XIAP: variants seen among roughly 807,000 people sequenced by gnomAD.
XIAP encodes X-linked inhibitor of apoptosis.
A neutral mutation model predicts 33.1 loss-of-function variants in XIAP; 3 were observed. The ratio of observed to expected loss-of-function variants is 0.09; its 90% CI spans 0.04 to 0.23. The LOEUF (loss-of-function observed/expected upper bound fraction) is 0.23, where lower values mean the gene tolerates loss of function less well. Among genes scored for constraint, XIAP ranks in the 10% least tolerant of loss-of-function variants. XIAP has a pLI of 1.00. For synonymous variants in XIAP, 98 were observed against 121.3 expected (o/e 0.81, Z 1.26); for missense variants, 264 against 363.0 (o/e 0.73, Z 2.22).
chrX:123,912,216 GAAAA>G lies in XIAP; in HGVS notation c.*5044_*5047del. On this transcript the variant is annotated 3_prime_UTR_variant, in exon 7 of 7. Transcript: ENST00000371199. Reference sequence around the variant, plus strand: ...ACCAAGGAGGAATTGAAAACACTGAGAAAAAAAAAAAAGACCACACAATAAAAAA... The same window carrying G: ...ACCAAGGAGGAATTGAAAACACTGAGAAAAAAAAGACCACACAATAAAAAA... The G allele has an allele frequency of 4.8e-6, 1 of 207,689 alleles. No individual in the cohort carries two copies. Among genetic ancestry groups the G allele is most frequent in the Non-Finnish European group, 8.7e-6 (1 of 114,937 alleles). 17.1% of individuals were successfully genotyped at this position (207,689 alleles called of 1,213,427 possible).
At position 123,912,239 on chromosome X, in the gene XIAP, T is replaced by TAAAAAAAAAAA; in HGVS notation, c.*5060_*5070dup. The TAAAAAAAAAAA allele has an allele frequency of 4.9e-6, 1 of 203,702 alleles. No homozygotes were observed. The allele number at this position is 203,702 out of a possible 1,213,427, so 16.8% of individuals were successfully genotyped here. A position where few individuals can be genotyped will look rare whatever the true frequency, so the allele number is the denominator to read the frequency against. On this transcript the variant is annotated 3_prime_UTR_variant, in exon 7 of 7. Coordinates refer to ENST00000371199, the MANE Select transcript of XIAP (RefSeq NM_001167.4). Reference sequence around the variant, plus strand: ...GAGAAAAAAAAAAAAGACCACACAATAAAAAAAAAAAATACAAAATAATAC... The same window carrying TAAAAAAAAAAA: ...GAGAAAAAAAAAAAAGACCACACAATAAAAAAAAAAAAAAAAAAAAAAATACAAAATAATAC...
intron 5 of XIAP, among the ~76,000 whole-genome samples, chrX:123,897,655 C>T (rs184920481): frequency 2.5e-4 from 28 of 111,322 alleles, no homozygotes; most frequent in Admixed American, 2.0e-3. Context: ...CACCGACTCC[C>T]GGGTTCAAGC....
At chrX:123,891,620 C>T (rs755321152) in intron 4 of XIAP, among the ~76,000 whole-genome samples, 1 of 110,205 alleles carries the variant, frequency 9.1e-6, no homozygotes, top group Non-Finnish European at 1.9e-5. Context: ...AGTTTGAGAT[C>T]AGCCTAGGCA....
chrX:123,906,946 AAG>A, intron 6 of XIAP, 40 bp from the exon 7 acceptor site: 2 of 1,188,252 alleles, frequency 1.7e-6, no homozygotes, highest in East Asian at 5.9e-5. Context: ...TTAAACAACT[AAG>A]AGAGTCTAAA....
At chrX:123,879,965 T>A (rs1021987798) in intron 1 of XIAP, among the ~76,000 whole-genome samples, 1 of 107,371 alleles carries the variant, frequency 9.3e-6, no homozygotes, top group Non-Finnish European at 1.9e-5. Flanking sequence ...ATACAAAAAA[T>A]TAGCTGGGTG....
intron 6 of XIAP, among the ~76,000 whole-genome samples, chrX:123,906,623 C>T (rs1237240643): frequency 1.8e-5 from 2 of 111,672 alleles, no homozygotes; most frequent in African/African-American, 6.5e-5. Flanking sequence ...AATGACTGTC[C>T]ATGCTTAAAT....
Position 123,909,669 on chromosome X carries a change from C to T in XIAP, c.*2488C>T, listed in dbSNP as rs1192771463. 4 of 327,765 alleles carry T rather than the reference C, an allele frequency of 1.2e-5. No individual in the cohort carries two copies. Among genetic ancestry groups the T allele is most frequent in the Non-Finnish European group, 2.4e-5 (4 of 169,776 alleles). The allele number at this position is 327,765 out of a possible 1,213,427, so 27.0% of individuals were successfully genotyped here. On this transcript the variant is annotated 3_prime_UTR_variant, in exon 7 of 7. Coordinates refer to ENST00000371199, the MANE Select transcript of XIAP (RefSeq NM_001167.4). Reference sequence around the variant, plus strand: ...CTGGGAGCCGCACTTCATTAAAATTCTTCTAAAACTTGTATGTTTAGAGTT... The same window carrying T: ...CTGGGAGCCGCACTTCATTAAAATTTTTCTAAAACTTGTATGTTTAGAGTT...
intron 6 of XIAP, among the ~76,000 whole-genome samples, chrX:123,905,829 C>T (rs922804829): frequency 8.9e-6 from 1 of 112,385 alleles, no homozygotes; most frequent in African/African-American, 3.2e-5. Context: ...ATAGACTATA[C>T]TGTCCTATAT....
At chrX:123,892,866 G>A in intron 5 of XIAP, 93 bp downstream of exon 5, 2 of 861,351 alleles carry the variant, frequency 2.3e-6, no homozygotes, top group Admixed American at 4.7e-5. Context: ...TGTTGCCCAG[G>A]CTGGAGTGCA....
intron 5 of XIAP, among the ~76,000 whole-genome samples, chrX:123,896,259 G>A (rs993467783): frequency 9.2e-6 from 1 of 108,613 alleles, no homozygotes; most frequent in African/African-American, 3.4e-5. Context: ...TAGAGAGAAG[G>A]TTTCGCCATT....
chrX:123,910,290 G>A lies in XIAP; in HGVS notation c.*3109G>A, dbSNP rs903852273. The stretch of plus-strand genomic sequence containing the variant: ...GTAGGGTAGAGTGGGTGTAGTGAGT[G>A]TATATAATGTGATTTGGCCCTGTGT... On this transcript the variant is annotated 3_prime_UTR_variant, in exon 7 of 7. Transcript: ENST00000371199. 1.2e-5 allele frequency: 4 copies of A among 327,308 alleles called. No homozygotes were observed. Among genetic ancestry groups the A allele is most frequent in the Non-Finnish European group, 2.4e-5 (4 of 169,653 alleles). 27.0% of individuals were successfully genotyped at this position (327,308 alleles called of 1,213,427 possible). A position where few individuals can be genotyped will look rare whatever the true frequency, so the allele number is the denominator to read the frequency against.
At position 123,889,557 on chromosome X, in the gene XIAP, G is replaced by A. The variant is rs374328413; in HGVS notation, c.977+839G>A. ...TTTGAGATAGAGTTTTGCTCTTGTC[G>A]CCCATGCTGGAGTGCAATGGTGCTA... On this transcript the variant is annotated intron_variant, in intron 3 of 6. Transcript: ENST00000371199. 1.3e-4 allele frequency among the ~76,000 whole-genome samples: 13 copies of A among 103,847 alleles called. No homozygotes were observed. In the South Asian group the frequency reaches 4.3e-3, roughly 35 times the overall value. 90.2% of individuals were successfully genotyped at this position (103,847 alleles called of 115,157 possible).
chrX:123,910,433 C>T lies in XIAP; in HGVS notation c.*3252C>T. The T allele has an allele frequency of 3.0e-6, 1 of 329,642 alleles. No homozygotes were observed. The highest frequency in any genetic ancestry group is 5.9e-6 in the Non-Finnish European group (1 of 169,987). The allele number at this position is 329,642 out of a possible 1,213,427, so 27.2% of individuals were successfully genotyped here. A position where few individuals can be genotyped will look rare whatever the true frequency, so the allele number is the denominator to read the frequency against. ...GAACTATGAATGGAGACTACCGCCC[C>T]AGCATTAGTTTCACATGATATACCC... On this transcript the variant is annotated 3_prime_UTR_variant, in exon 7 of 7. Coordinates refer to ENST00000371199, the MANE Select transcript of XIAP (RefSeq NM_001167.4).
chrX:123,873,870 G>A (rs2053217891), intron 1 of XIAP: 1 of 106,781 alleles, frequency 9.4e-6, no homozygotes. Flanking sequence ...GAAGGTGGAG[G>A]TTGCAGTGAG....
At chrX:123,869,143 C>T (rs188052348) in intron 1 of XIAP, among the ~76,000 whole-genome samples, 31 of 109,618 alleles carry the variant, frequency 2.8e-4, no homozygotes, top group South Asian at 1.5e-3. Context: ...ATTGTGCATT[C>T]CCTGGTACTT....
At position 123,885,707 on chromosome X, in the gene XIAP, A is replaced by G. The variant is rs2053344730; in HGVS notation, c.45A>G (p.Ala15=). 8 of 1,211,064 alleles carry G rather than the reference A, an allele frequency of 6.6e-6. No individual in the cohort carries two copies. Among genetic ancestry groups the G allele is most frequent in the Non-Finnish European group, 8.9e-6 (8 of 895,122 alleles). The change falls in exon 2 of 7, where the codon GCA becomes GCG. Residue 15 remains alanine (A), a synonymous_variant. Coordinates refer to ENST00000371199, the MANE Select transcript of XIAP (RefSeq NM_001167.4). ...SFEGSKTCVP[A]DINKEEEFVE... ...AAGGATCTAAAACTTGTGTACCTGC[A>G]GACATCAATAAGGAAGAAGAATTTG...
In XIAP at chrX:123,907,304, T is replaced by C. The variant is rs756001832; in HGVS notation, c.*123T>C. The C allele has an allele frequency of 9.6e-6, 6 of 625,244 alleles. No homozygotes were observed. The highest frequency in any genetic ancestry group is 1.6e-5 in the Non-Finnish European group (6 of 383,620). 51.5% of individuals were successfully genotyped at this position (625,244 alleles called of 1,213,427 possible). On this transcript the variant is annotated 3_prime_UTR_variant, in exon 7 of 7. Transcript: ENST00000371199. ...ATTTGCTACCAAGTAGGAAAAAAAA[T>C]GTACATGGCAGTGTTTTAGTTGGCA...
chrX:123,907,425 A>C lies in XIAP; in HGVS notation c.*244A>C, dbSNP rs772511087. 3 of 458,251 alleles carry C rather than the reference A, an allele frequency of 6.5e-6. No homozygotes were observed. The South Asian group carries it at 8.4e-5, about 13-fold the overall frequency. The allele number at this position is 458,251 out of a possible 1,213,427, so 37.8% of individuals were successfully genotyped here. ...TTGAAACCATAGACTAAGAATAAGA[A>C]GCATCATACTATAACTGAACACAAT... On this transcript the variant is annotated 3_prime_UTR_variant, in exon 7 of 7. Coordinates refer to ENST00000371199, the MANE Select transcript of XIAP (RefSeq NM_001167.4).
Position 123,906,989 on chromosome X carries a change from G to C in XIAP, c.1302G>C (p.Glu434Asp). The C allele has an allele frequency of 8.3e-7, 1 of 1,210,696 alleles. No homozygotes were observed. Among genetic ancestry groups the C allele is most frequent in the Non-Finnish European group, 1.1e-6 (1 of 894,827 alleles). ...DESSQTSLQK[E>D]ISTEEQLRRL... ...CATAATTATTTTCTCTTTTTGCAGAGATTAGTACTGAAGAGCAGCTAAGGC... is the reference window on the plus strand; with the variant it reads ...CATAATTATTTTCTCTTTTTGCAGACATTAGTACTGAAGAGCAGCTAAGGC... The change falls in exon 7 of 7, where the codon GAG becomes GAC. Residue 434 changes from glutamate to aspartate, a missense_variant and splice_region_variant. By Grantham distance (45) the Glu-to-Asp change is conservative. Transcript: ENST00000371199.
Sources: gnomAD v4.1 joint callset for allele counts (sites outside exome capture counted in the v4.1 genomes callset) on GRCh38, gnomAD v4.1.1 for gene constraint, MANE v1.5 for transcripts, NCBI Gene and HGNC (gene_info 2026-07-23, HGNC 2026-07-21) for gene names.